The following SLX9 variants were observed in gnomAD, a reference collection of about 807,000 sequenced individuals.
SLX9 encodes ribosome biogenesis protein SLX9 homolog.
SLX9 carries 19 observed loss-of-function variants against 20.8 expected under a neutral mutation model. The ratio of observed to expected loss-of-function variants is 0.91; its 90% CI spans 0.64 to 1.34. The LOEUF is 1.34. SLX9 is among the 40% of genes most tolerant of loss of function. SLX9 has a pLI of 0.00. For synonymous variants in SLX9, 113 were observed against 137.1 expected, an observed-to-expected ratio of 0.82 and a Z score of 1.23; for missense variants, 299 against 322.2, an observed-to-expected ratio of 0.93 and a Z score of 0.55.
chr21:44,949,502 C>T (rs1407586383), intron 2 of SLX9, among the ~76,000 whole-genome samples: 1 of 152,152 alleles, frequency 6.6e-6, no homozygotes, highest in African/African-American at 2.4e-5. Flanking sequence ...CGCCTACCCC[C>T]CAGAACCCTC....
At chr21:44,963,174 C>T (rs1370323848) in intron 3 of SLX9, among the ~76,000 whole-genome samples, 2 of 151,108 alleles carry the variant, frequency 1.3e-5, no homozygotes, top group Admixed American at 6.6e-5. Context: ...CTGCAAGCAA[C>T]ACCTCCTGGG....
intron 2 of SLX9, among the ~76,000 whole-genome samples, chr21:44,950,002 C>T (rs2084725322): frequency 6.6e-6 from 1 of 152,170 alleles, no homozygotes; most frequent in African/African-American, 2.4e-5. Context: ...GGGATAGAGA[C>T]GCAGGCTCTC....
At chr21:44,948,314 C>G (rs190503621) in intron 2 of SLX9, among the ~76,000 whole-genome samples, 9 of 111,708 alleles carry the variant, frequency 8.1e-5, no homozygotes, top group Non-Finnish European at 8.7e-5. Context: ...GTCCGGGGAG[C>G]TGGTCGTGGA....
At chr21:44,954,511 G>A (rs996881431) in intron 2 of SLX9, among the ~76,000 whole-genome samples, 2 of 152,164 alleles carry the variant, frequency 1.3e-5, no homozygotes, top group African/African-American at 4.8e-5. Flanking sequence ...GGTTTTGAAT[G>A]TCCACCCTCA....
intron 2 of SLX9, among the ~76,000 whole-genome samples, chr21:44,950,313 T>A (rs968385597): frequency 1.3e-5 from 2 of 151,966 alleles, no homozygotes; most frequent in Admixed American, 6.5e-5. Flanking sequence ...CCATGCAGAA[T>A]GTACTTGTTG....
At chr21:44,956,611 G>A (rs957773734) in intron 2 of SLX9, among the ~76,000 whole-genome samples, 1 of 152,238 alleles carries the variant, frequency 6.6e-6, no homozygotes. Context: ...GCAGCATCGC[G>A]TAGTGTGTTC....
chr21:44,972,961 T>A, intron 4 of SLX9: 1 of 594,694 alleles, frequency 1.7e-6, no homozygotes, highest in South Asian at 2.0e-5. Flanking sequence ...CACAGGACGG[T>A]CAGGCAGTTG....
intron 5 of SLX9, among the ~76,000 whole-genome samples, chr21:44,976,296 C>T (rs953760538): frequency 6.6e-6 from 1 of 152,030 alleles, no homozygotes; most frequent in Non-Finnish European, 1.5e-5. Flanking sequence ...TCTCGGCTCT[C>T]GGCTCTCCTC....
intron 2 of SLX9, among the ~76,000 whole-genome samples, chr21:44,951,575 A>G (rs554052448): frequency 6.6e-6 from 1 of 152,302 alleles, no homozygotes; most frequent in African/African-American, 2.4e-5. Context: ...TGTAGAAAAT[A>G]ACATTTCATG....
At chr21:44,947,205 G>A (rs150712584) in intron 2 of SLX9, among the ~76,000 whole-genome samples, 436 of 152,322 alleles carry the variant, frequency 2.9e-3, no homozygotes, top group African/African-American at 7.1e-3. Flanking sequence ...GAGTGCCCAT[G>A]TCATGCAGAT....
chr21:44,947,129 C>G (rs1369299023), intron 2 of SLX9, among the ~76,000 whole-genome samples: 1 of 152,230 alleles, frequency 6.6e-6, no homozygotes, highest in East Asian at 1.9e-4. Context: ...GTGGTCTCCT[C>G]AGCTCCTGAT....
chr21:44,946,723 C>CT (rs2084649774), intron 2 of SLX9, among the ~76,000 whole-genome samples: 6 of 152,234 alleles, frequency 3.9e-5, no homozygotes, highest in Admixed American at 3.9e-4. Flanking sequence ...CTCTGGCCAG[C>CT]CGTCTCTGGC....
At chr21:44,957,823 A>G (rs1470153667) in intron 2 of SLX9, among the ~76,000 whole-genome samples, 2 of 152,166 alleles carry the variant, frequency 1.3e-5, no homozygotes, top group Non-Finnish European at 2.9e-5. Flanking sequence ...GTTCAGTTTA[A>G]TGGGGACTTG....
intron 4 of SLX9, chr21:44,969,345 C>T: frequency 2.5e-6 from 1 of 406,674 alleles, no homozygotes; most frequent in East Asian, 7.6e-5. Flanking sequence ...AGTATCCTTT[C>T]CCTGTTTTCA....
chr21:44,975,796 C>A (rs1427053405), intron 5 of SLX9, among the ~76,000 whole-genome samples: 1 of 152,256 alleles, frequency 6.6e-6, no homozygotes, highest in Non-Finnish European at 1.5e-5. Flanking sequence ...CCAGCAGAGC[C>A]CTGACCGCCT....
chr21:44,946,090 G>C (rs1184313857), intron 2 of SLX9, among the ~76,000 whole-genome samples: 1 of 152,224 alleles, frequency 6.6e-6, no homozygotes, highest in Non-Finnish European at 1.5e-5. Context: ...TGGTGGGAGA[G>C]GGTAGAAGCT....
intron 4 of SLX9, among the ~76,000 whole-genome samples, chr21:44,967,744 T>G (rs1280964879): frequency 6.6e-6 from 1 of 152,140 alleles, no homozygotes; most frequent in African/African-American, 2.4e-5. Context: ...GGTGAGCGTG[T>G]GGGACCCACT....
At chr21:44,961,504 T>C (rs2146654285) in intron 3 of SLX9, among the ~76,000 whole-genome samples, 1 of 152,316 alleles carries the variant, frequency 6.6e-6, no homozygotes, top group South Asian at 2.1e-4. Flanking sequence ...GGAAGATCGC[T>C]TCAACCCAGG....
At chr21:44,957,038 G>A (rs1444704642) in intron 2 of SLX9, among the ~76,000 whole-genome samples, 1 of 152,236 alleles carries the variant, frequency 6.6e-6, no homozygotes, top group African/African-American at 2.4e-5. Context: ...GCGCGGCAGC[G>A]TCTCACCTTC....
Sources: allele counts gnomAD v4.1 joint callset (sites outside exome capture counted in the v4.1 genomes callset), GRCh38; gene constraint gnomAD v4.1.1; transcripts MANE v1.5; gene names NCBI Gene and HGNC (gene_info 2026-07-23, HGNC 2026-07-21).